Variants in CSNK1G1 observed in about 807,000 individuals in gnomAD.
The protein encoded by CSNK1G1 is casein kinase I isoform gamma-1.
In CSNK1G1, 22 loss-of-function variants were observed where a neutral mutation model predicts 59.6. That is an observed-to-expected ratio of 0.37 (90% confidence interval 0.26 to 0.53). The LOEUF (loss-of-function observed/expected upper bound fraction) is 0.53, where lower values mean the gene tolerates loss of function less well. CSNK1G1 is among the 20% of genes least tolerant of loss of function. The pLI is 0.89. For synonymous variants in CSNK1G1, 179 were observed against 177.1 expected (o/e 1.01, Z -0.08); for missense variants, 384 against 519.5 (o/e 0.74, Z 2.54).
At chr15:64,337,560 C>T (rs1487561932) in intron 1 of CSNK1G1, among the ~76,000 whole-genome samples, 1 of 152,152 alleles carries the variant, frequency 6.6e-6, no homozygotes, top group African/African-American at 2.4e-5. Flanking sequence ...GTCTCAAACT[C>T]TTAGCCTCAA....
At chr15:64,199,092 A>G (rs2082073810) in intron 10 of CSNK1G1, among the ~76,000 whole-genome samples, 2 of 151,638 alleles carry the variant, frequency 1.3e-5, no homozygotes, top group South Asian at 2.1e-4. Flanking sequence ...ATACGAAAAA[A>G]AAAAAAAAAT....
At chr15:64,259,162 G>A in intron 3 of CSNK1G1, 39 bp downstream of exon 3, 5 of 1,513,298 alleles carry the variant, frequency 3.3e-6, no homozygotes, top group Non-Finnish European at 3.6e-6. Flanking sequence ...AGCAATGGGA[G>A]CACCAAAACA....
At chr15:64,197,067 G>C (rs1032359053) in intron 10 of CSNK1G1, among the ~76,000 whole-genome samples, 1 of 152,052 alleles carries the variant, frequency 6.6e-6, no homozygotes, top group Non-Finnish European at 1.5e-5. Context: ...TTGGGTGTTA[G>C]GGTTAATTAA....
intron 1 of CSNK1G1, among the ~76,000 whole-genome samples, chr15:64,352,114 C>CTGGCCAACA (rs974142515): frequency 7.2e-5 from 11 of 151,982 alleles, no homozygotes; most frequent in Non-Finnish European, 1.2e-4. Context: ...AGAGAGCCGC[C>CTGGCCAACA]TGGCCAACAT....
intron 4 of CSNK1G1, among the ~76,000 whole-genome samples, chr15:64,239,377 G>C (rs1027870934): frequency 1.3e-5 from 2 of 150,928 alleles, no homozygotes; most frequent in Non-Finnish European, 2.9e-5. Flanking sequence ...TTTTTTCTTT[G>C]TTTTTGTTTT....
chr15:64,261,017 A>T (rs963492035), intron 2 of CSNK1G1, among the ~76,000 whole-genome samples: 3 of 152,208 alleles, frequency 2.0e-5, no homozygotes, highest in African/African-American at 7.2e-5. Context: ...CAAGTCAAAA[A>T]TAGGCATTTC....
intron 2 of CSNK1G1, among the ~76,000 whole-genome samples, chr15:64,289,840 A>C (rs1297724013): frequency 6.6e-6 from 1 of 152,186 alleles, no homozygotes; most frequent in Admixed American, 6.5e-5. Context: ...CATACAAATG[A>C]CTTCATTTGA....
intron 4 of CSNK1G1, among the ~76,000 whole-genome samples, chr15:64,236,115 C>G (rs1391808993): frequency 4.8e-5 from 7 of 144,868 alleles, no homozygotes. Flanking sequence ...CACACCCCAG[C>G]CTGGGCGACA....
intron 2 of CSNK1G1, among the ~76,000 whole-genome samples, chr15:64,286,859 C>A (rs1187373286): frequency 1.3e-5 from 2 of 152,150 alleles, no homozygotes; most frequent in African/African-American, 4.8e-5. Flanking sequence ...TTCCTCCTCA[C>A]CCCCTGGAAA....
chr15:64,206,356 C>T (rs934445654), intron 7 of CSNK1G1, among the ~76,000 whole-genome samples: 1 of 152,128 alleles, frequency 6.6e-6, no homozygotes. Context: ...AGGAGAATTG[C>T]TTGAACCCAG....
chr15:64,230,590 C>T (rs2082533648), intron 4 of CSNK1G1, among the ~76,000 whole-genome samples: 1 of 152,140 alleles, frequency 6.6e-6, no homozygotes, highest in Admixed American at 6.5e-5. Flanking sequence ...TTCTTTGGTC[C>T]CTATTCTGAC....
chr15:64,173,715 A>G (rs1301107754), intron 11 of CSNK1G1, among the ~76,000 whole-genome samples: 1 of 146,188 alleles, frequency 6.8e-6, no homozygotes, highest in Non-Finnish European at 1.5e-5. Flanking sequence ...CTCCACCTAC[A>G]GGGCTCAAGT....
At chr15:64,302,021 C>T (rs1157539002) in intron 1 of CSNK1G1, among the ~76,000 whole-genome samples, 1 of 152,204 alleles carries the variant, frequency 6.6e-6, no homozygotes, top group Non-Finnish European at 1.5e-5. Flanking sequence ...TAATTCCCTA[C>T]TAAAGTAACA....
intron 1 of CSNK1G1, among the ~76,000 whole-genome samples, chr15:64,348,948 G>A (rs1026118511): frequency 1.3e-5 from 2 of 151,660 alleles, no homozygotes; most frequent in African/African-American, 4.8e-5. Context: ...CCTGGCCAAC[G>A]TGGTGAAACC....
intron 4 of CSNK1G1, among the ~76,000 whole-genome samples, chr15:64,245,730 C>A (rs1190839056): frequency 6.6e-6 from 1 of 151,226 alleles, no homozygotes; most frequent in Admixed American, 6.6e-5. Flanking sequence ...TATAGCGAGA[C>A]CCCGGTTCTC....
chr15:64,324,066 C>A (rs1381269377), intron 1 of CSNK1G1, among the ~76,000 whole-genome samples: 1 of 152,150 alleles, frequency 6.6e-6, no homozygotes, highest in Non-Finnish European at 1.5e-5. Context: ...AGATGCGTAA[C>A]AAAACTAGAA....
At chr15:64,342,730 A>G (rs1897741076) in intron 1 of CSNK1G1, 2 of 152,216 alleles carry the variant, frequency 1.3e-5, no homozygotes, top group African/African-American at 4.8e-5. Context: ...AATAAAAATT[A>G]AAAATCTTCT....
At position 64,278,430 on chromosome 15, in the gene CSNK1G1, A is replaced by AT. The variant is rs1457957653; in HGVS notation, c.182-19190dup. On this transcript the variant is annotated intron_variant, in intron 2 of 11. Coordinates refer to ENST00000303052, the MANE Select transcript of CSNK1G1 (RefSeq NM_022048.5). ...TGTGTGTGTGTGTGTATATATATAT[A>AT]TATTTTTTTTTTTTTGGACACAGAG... Among the ~76,000 whole-genome samples the AT allele has an allele frequency of 1.6e-3, 199 of 121,026 alleles. 2 individuals are homozygous for AT. The highest frequency in any genetic ancestry group is 7.4e-3 in the South Asian group (28 of 3,804). The allele number at this position is 121,026 out of a possible 152,430, so 79.4% of individuals were successfully genotyped here. A position where few individuals can be genotyped will look rare whatever the true frequency, so the allele number is the denominator to read the frequency against.
intron 4 of CSNK1G1, among the ~76,000 whole-genome samples, chr15:64,222,437 C>CAAAAA (rs1170075981): frequency 1.2e-4 from 8 of 68,980 alleles, no homozygotes; most frequent in South Asian, 5.0e-4. Context: ...ACAACACCAC[C>CAAAAA]AAAAAAAAAA....
Sources: allele counts gnomAD v4.1 joint callset (sites outside exome capture counted in the v4.1 genomes callset), GRCh38; gene constraint gnomAD v4.1.1; transcripts MANE v1.5; gene names NCBI Gene and HGNC (gene_info 2026-07-23, HGNC 2026-07-21).